The following USP32 variants were observed in gnomAD, a reference collection of about 807,000 sequenced individuals.
USP32 encodes ubiquitin carboxyl-terminal hydrolase 32.
Under a neutral mutation model 204.8 loss-of-function variants are expected in USP32, and 59 were observed. The observed-to-expected ratio is 0.29, with a 90% CI of 0.23 to 0.36. The LOEUF (loss-of-function observed/expected upper bound fraction) is 0.36. USP32 is among the 10% of genes least tolerant of loss of function. The pLI is 1.00. For synonymous variants in USP32, 517 were observed against 678.4 expected, an observed-to-expected ratio of 0.76 and a Z score of 3.70; for missense variants, 1,160 against 1,946.4, an observed-to-expected ratio of 0.60 and a Z score of 7.60.
Position 60,392,094 on chromosome 17 carries a change from C to CGACCGGGAGGA in USP32, c.-156_-155insTCCTCCCGGTC. 1.3e-6 allele frequency: 1 copy of CGACCGGGAGGA among 795,738 alleles called. No homozygotes were observed. The highest frequency in any genetic ancestry group is 1.9e-6 in the Non-Finnish European group (1 of 528,324). 49.3% of individuals were successfully genotyped at this position (795,738 alleles called of 1,614,324 possible). ...ACAAGTGCGGCTTCTGCCCCGGCGG[C>CGACCGGGAGGA]TCCTCCCGGTCGCCGCCACCGCCTC... On this transcript the variant is annotated 5_prime_UTR_variant, in exon 1 of 34. An upstream open reading frame in the 5' UTR loses its in-frame stop. Coordinates refer to ENST00000300896, the MANE Select transcript of USP32 (RefSeq NM_032582.4).
chr17:60,215,818 A>G lies in USP32; in HGVS notation c.1868-1044T>C, dbSNP rs371898175. ...GCTCAAGCTGTAGTGCGGTGCGGCA[A>G]TCATGGCTCACTGCAGCCTCAACCT... is the stretch of plus-strand genomic sequence containing the variant. On this transcript the variant is annotated intron_variant, in intron 16 of 33. Transcript: ENST00000300896. Among the ~76,000 whole-genome samples, 1,325 of 152,244 alleles carry G rather than the reference A, an allele frequency of 8.7e-3. 24 individuals carry two copies. The highest frequency in any genetic ancestry group is 0.029 in the African/African-American group (1,217 of 41,538).
intron 2 of USP32, among the ~76,000 whole-genome samples, chr17:60,312,741 C>T (rs1338674644): frequency 6.6e-6 from 1 of 152,152 alleles, no homozygotes. Flanking sequence ...TTCCAAAGAA[C>T]TTGATGTCAC....
intron 2 of USP32, among the ~76,000 whole-genome samples, chr17:60,308,656 G>A (rs372048159): frequency 1.5e-4 from 23 of 152,322 alleles, no homozygotes; most frequent in African/African-American, 4.8e-4. Flanking sequence ...GGCTGGATGC[G>A]GTGGCTCATG....
At chr17:60,332,426 T>A (rs902524113) in intron 2 of USP32, among the ~76,000 whole-genome samples, 4 of 151,802 alleles carry the variant, frequency 2.6e-5, no homozygotes, top group Non-Finnish European at 4.4e-5. Flanking sequence ...GGCGGGTGGA[T>A]CACCTGAGGT....
intron 27 of USP32, among the ~76,000 whole-genome samples, chr17:60,195,466 T>C (rs933131239): frequency 6.6e-6 from 1 of 152,156 alleles, no homozygotes; most frequent in African/African-American, 2.4e-5. Context: ...GCCACCCAAG[T>C]AGCTGGGATT....
chr17:60,244,219 C>G (rs1325588707), intron 11 of USP32, among the ~76,000 whole-genome samples: 1 of 151,164 alleles, frequency 6.6e-6, no homozygotes, highest in Non-Finnish European at 1.5e-5. Flanking sequence ...TAGTAGAGAC[C>G]GTGTTAACCA....
At chr17:60,307,097 C>G (rs2087744079) in intron 2 of USP32, among the ~76,000 whole-genome samples, 1 of 150,736 alleles carries the variant, frequency 6.6e-6, no homozygotes, top group Non-Finnish European at 1.5e-5. Flanking sequence ...ATTTTTTTTC[C>G]TTTCTTTTTT....
At chr17:60,366,138 G>A (rs146725059) in intron 1 of USP32, among the ~76,000 whole-genome samples, 5 of 151,470 alleles carry the variant, frequency 3.3e-5, no homozygotes, top group South Asian at 4.2e-4. Flanking sequence ...ACACCACGCC[G>A]GGCTAAGTTT....
At chr17:60,303,975 A>T (rs988738185) in intron 2 of USP32, among the ~76,000 whole-genome samples, 3 of 152,150 alleles carry the variant, frequency 2.0e-5, no homozygotes, top group African/African-American at 7.2e-5. Context: ...CCTACAAAAA[A>T]AAGAGAATGG....
At chr17:60,307,428 C>G (rs1158801162) in intron 2 of USP32, among the ~76,000 whole-genome samples, 1 of 152,082 alleles carries the variant, frequency 6.6e-6, no homozygotes, top group African/African-American at 2.4e-5. Context: ...AATGACAATA[C>G]TATCCACAGC....
At chr17:60,310,043 A>C (rs1222459688) in intron 2 of USP32, among the ~76,000 whole-genome samples, 2 of 149,978 alleles carry the variant, frequency 1.3e-5, no homozygotes, top group Admixed American at 1.3e-4. Context: ...GACTCCATCA[A>C]GGAAAAAAAA....
rs2089241723 is a variant in USP32 at position 60,363,084 on chromosome 17, G to C, written c.59-17476C>G. Reference sequence around the variant, plus strand: ...GAGGGAAGATCACATGAGACCAAGAGTTCAAGATCAGCCTGGGCAACACAG... The same window carrying C: ...GAGGGAAGATCACATGAGACCAAGACTTCAAGATCAGCCTGGGCAACACAG... On this transcript the variant is annotated intron_variant, in intron 1 of 33. Transcript: ENST00000300896. Among the ~76,000 whole-genome samples the C allele has an allele frequency of 2.6e-5, 4 of 151,950 alleles. No homozygotes were observed. In the South Asian group the frequency reaches 8.3e-4, roughly 31 times the overall value.
At chr17:60,185,430 T>C in intron 30 of USP32, 30 bp downstream of exon 30, 1 of 1,530,660 alleles carries the variant, frequency 6.5e-7, no homozygotes, top group Non-Finnish European at 8.8e-7. Context: ...GCCAGATTCC[T>C]GCTCTCTCAG....
At chr17:60,252,482 T>A (rs1160268952) in intron 10 of USP32, 40 bp from the exon 11 acceptor site, 2 of 1,499,734 alleles carry the variant, frequency 1.3e-6, no homozygotes, top group Non-Finnish European at 1.8e-6. Context: ...ATTAACTGCA[T>A]AATATTTCAC....
chr17:60,242,353 C>T (rs913300846), intron 11 of USP32, among the ~76,000 whole-genome samples: 1 of 152,064 alleles, frequency 6.6e-6, no homozygotes, highest in Non-Finnish European at 1.5e-5. Context: ...ATTTTCTTGA[C>T]ATCTTTAAAA....
At chr17:60,301,427 A>G (rs969905611) in intron 3 of USP32, 172 bp downstream of exon 3, 11 of 480,414 alleles carry the variant, frequency 2.3e-5, no homozygotes, top group Non-Finnish European at 4.0e-5. Context: ...TGTAATTTTA[A>G]TTTATATTTC....
At position 60,410,045 on chromosome 17, in the gene USP32, G is replaced by T. The variant is rs370271552; in HGVS notation, c.106+12201C>A. On this transcript the variant is annotated intron_variant, in intron 1 of 3. Transcript: ENST00000588898. Reference sequence around the variant, plus strand: ...CTGCCTTTGAAAAACTAACAAACTAGCTACAAAGTTAAAATTATGGTTCAG... The same window carrying T: ...CTGCCTTTGAAAAACTAACAAACTATCTACAAAGTTAAAATTATGGTTCAG... Among the ~76,000 whole-genome samples, 5 of 152,226 alleles carry T rather than the reference G, an allele frequency of 3.3e-5. No homozygotes were observed. The East Asian group carries it at 9.6e-4, about 29-fold the overall frequency.
rs7220498 is a variant in USP32 at position 60,286,573 on chromosome 17, T to C, written c.571+1950A>G. Among the ~76,000 whole-genome samples, 1,420 of 152,278 alleles carry C rather than the reference T, an allele frequency of 9.3e-3. 16 individuals carry two copies. The highest frequency in any genetic ancestry group is 0.032 in the African/African-American group (1,329 of 41,544). ...AGGGGCCTAGGGGTCCCTGCATGCATGGAAATAAAGGATACTCCTGAGTTC... is the reference window on the plus strand; with the variant it reads ...AGGGGCCTAGGGGTCCCTGCATGCACGGAAATAAAGGATACTCCTGAGTTC... On this transcript the variant is annotated intron_variant, in intron 5 of 33. Coordinates refer to ENST00000300896, the MANE Select transcript of USP32 (RefSeq NM_032582.4).
In USP32 at chr17:60,214,648, T is replaced by C. The variant is rs754393495; in HGVS notation, c.1994A>G (p.Asp665Gly). 3.1e-6 allele frequency: 5 copies of C among 1,613,800 alleles called. No individual in the cohort carries two copies. The highest frequency in any genetic ancestry group is 4.5e-5 in the East Asian group (2 of 44,864). Residue 665 changes from aspartate to glycine, a missense_variant, in exon 17 of 34, where the codon GAT (aspartate) becomes GGT (glycine). Asp to Gly is a moderately conservative substitution (Grantham distance 94). This residue lies in a region of USP32 where 132 missense variants were observed against 432.8 expected (regional missense o/e 0.30). Coordinates refer to ENST00000300896, the MANE Select transcript of USP32 (RefSeq NM_032582.4). ...ACTGTTGTATAGCCACAGGCGCATA[T>C]CTTCCTCTTTAATGCGCAGCCTTTG... Reference protein sequence around the residue: ...LSQRLRIKEEDMRLWLYNSEN... With the variant: ...LSQRLRIKEEGMRLWLYNSEN...
Sources: allele counts gnomAD v4.1 joint callset (sites outside exome capture counted in the v4.1 genomes callset), GRCh38; gene constraint gnomAD v4.1.1; regional missense constraint gnomAD v4.1.1; transcripts MANE v1.5; gene names NCBI Gene and HGNC (gene_info 2026-07-23, HGNC 2026-07-21).